Variants in PHF10 observed in about 807,000 individuals in gnomAD.
The protein encoded by PHF10 is PHD finger protein 10.
In PHF10, 51 loss-of-function variants were observed where a neutral mutation model predicts 68.5. The observed-to-expected ratio is 0.74, with a 90% confidence interval of 0.59 to 0.94. The LOEUF (loss-of-function observed/expected upper bound fraction) is 0.94, where lower values mean the gene tolerates loss of function less well. Among genes scored for constraint, PHF10 ranks in the 40% least tolerant of loss-of-function variants. The probability of loss-of-function intolerance (pLI) is 0.00; values close to 1 mark genes in which losing one functional copy is unlikely to be tolerated. For synonymous variants in PHF10, 204 were observed against 203.5 expected (o/e 1.00, Z -0.02); for missense variants, 460 against 602.6 (o/e 0.76, Z 2.48).
chr6:169,715,256 T>C (rs1227574551), intron 6 of PHF10, among the ~76,000 whole-genome samples: 1 of 152,186 alleles, frequency 6.6e-6, no homozygotes, highest in African/African-American at 2.4e-5. Context: ...TCATTTAGAA[T>C]TATTAACCGT....
In PHF10 at chr6:169,715,824, C is replaced by G. The variant is rs745732626; in HGVS notation, c.577G>C (p.Ala193Pro). Residue 193 changes from alanine to proline, a missense_variant, in exon 6 of 12, where the codon GCC (alanine) becomes CCC (proline). By Grantham distance (27) the Ala-to-Pro change is conservative. This residue lies in a region of PHF10 where 256 missense variants were observed against 410.5 expected (regional missense o/e 0.62). Transcript: ENST00000339209. Reference protein sequence around the residue: ...MQQQNTQKVEASKVPEYIKKA... With the variant: ...MQQQNTQKVEPSKVPEYIKKA... ...TTAATATACTCAGGCACTTTACTGG[C>G]TTCAACTTTCTGAGTATTCTGTTGT... is the stretch of plus-strand genomic sequence containing the variant. The G allele has an allele frequency of 1.2e-6, 2 of 1,613,648 alleles. No homozygotes were observed. Among genetic ancestry groups the G allele is most frequent in the South Asian group, 2.2e-5 (2 of 90,976 alleles).
Position 169,717,922 on chromosome 6 carries a change from C to T in PHF10, c.326-16G>A. On this transcript the variant is annotated splice_polypyrimidine_tract_variant and intron_variant, in intron 3 of 11. Coordinates refer to ENST00000339209, the MANE Select transcript of PHF10 (RefSeq NM_018288.4). Reference sequence around the variant, plus strand: ...CGCTCTAAATCTCCAAAAAAAAGATCAAAAGACTATTAAAAACAGCAAAAC... The same window carrying T: ...CGCTCTAAATCTCCAAAAAAAAGATTAAAAGACTATTAAAAACAGCAAAAC... The T allele has an allele frequency of 4.5e-6, 6 of 1,346,944 alleles. No individual in the cohort carries two copies. The highest frequency in any genetic ancestry group is 4.2e-6 in the Non-Finnish European group (4 of 958,392). 83.4% of individuals were successfully genotyped at this position (1,346,944 alleles called of 1,614,324 possible).
chr6:169,704,758 AT>A (rs1032395442), intron 11 of PHF10: 1 of 177,788 alleles, frequency 5.6e-6, no homozygotes, highest in African/African-American at 2.4e-5. Context: ...TGCTGCCTCA[AT>A]TTACAGAAAT....
chr6:169,713,321 G>A (rs1055633410), intron 7 of PHF10, among the ~76,000 whole-genome samples: 4 of 152,136 alleles, frequency 2.6e-5, no homozygotes, highest in Non-Finnish European at 4.4e-5. Context: ...ATTAAAGGCC[G>A]GGTGCAGTGG....
intron 11 of PHF10, 109 bp downstream of exon 11, chr6:169,705,024 A>G (rs563688315): frequency 2.7e-5 from 20 of 734,228 alleles, no homozygotes; most frequent in African/African-American, 9.0e-5. Flanking sequence ...ATATTTGCAC[A>G]TAAGAGTCCA....
intron 11 of PHF10, chr6:169,704,858 T>TA: frequency 6.3e-6 from 2 of 317,956 alleles, no homozygotes; most frequent in Admixed American, 9.9e-5. Flanking sequence ...AAGGCTTTGT[T>TA]ACTTTAGTAT....
At chr6:169,716,669 C>G (rs1488091242) in intron 4 of PHF10, among the ~76,000 whole-genome samples, 1 of 152,118 alleles carries the variant, frequency 6.6e-6, no homozygotes, top group Non-Finnish European at 1.5e-5. Context: ...ACAAATAAAG[C>G]ACGGACATAA....
chr6:169,711,966 C>A (rs1788934748), intron 8 of PHF10, among the ~76,000 whole-genome samples: 1 of 152,054 alleles, frequency 6.6e-6, no homozygotes, highest in Non-Finnish European at 1.5e-5. Context: ...GAAAACCCAA[C>A]AAATTGTACA....
chr6:169,722,633 T>A (rs1306670094), intron 1 of PHF10, among the ~76,000 whole-genome samples: 4 of 152,208 alleles, frequency 2.6e-5, no homozygotes, highest in African/African-American at 9.7e-5. Context: ...CGGGCCTTTT[T>A]CTTGAGGGAG....
In PHF10 at chr6:169,704,023, TCCC is replaced by T. The variant is rs779587210; in HGVS notation, c.1474_1476del (p.Gly492del). 2 of 1,601,634 alleles carry T rather than the reference TCCC, an allele frequency of 1.2e-6. No individual in the cohort carries two copies. Among genetic ancestry groups the T allele is most frequent in the Non-Finnish European group, 8.5e-7 (1 of 1,176,138 alleles). On this transcript the variant is annotated inframe_deletion, in exon 12 of 12. Coordinates refer to ENST00000339209, the MANE Select transcript of PHF10 (RefSeq NM_018288.4). ...CTATTTTATCCCTCTTTGCTGTTTT[TCCC>T]CCTTCTGCCCACTTTCCTGGGTGTT...
intron 9 of PHF10, chr6:169,708,216 CA>C (rs758821639): frequency 2.0e-5 from 3 of 152,128 alleles, no homozygotes; most frequent in African/African-American, 7.2e-5. Context: ...GAAAAACAGC[CA>C]AAGATAAGAC....
intron 10 of PHF10, 37 bp downstream of exon 10, chr6:169,705,579 G>A (rs371636901): frequency 2.1e-5 from 22 of 1,042,108 alleles, no homozygotes; most frequent in Non-Finnish European, 2.9e-5. Flanking sequence ...CAATAAATAC[G>A]GTGGTTAAAA....
At chr6:169,708,890 T>G (rs532880409) in intron 9 of PHF10, 3 of 152,250 alleles carry the variant, frequency 2.0e-5, no homozygotes, top group African/African-American at 7.2e-5. Context: ...GTATACTGCT[T>G]CTGAAATTTC....
In PHF10 at chr6:169,705,742, G is replaced by A. The variant is rs1428472504; in HGVS notation, c.1114-18C>T. On this transcript the variant is annotated intron_variant, in intron 9 of 11. Transcript: ENST00000339209. ...ACCTTTGGCTGGAAGGGTAGAAGAGGGCTATAAATTCATGCCAGAAGAGCT... is the reference window on the plus strand; with the variant it reads ...ACCTTTGGCTGGAAGGGTAGAAGAGAGCTATAAATTCATGCCAGAAGAGCT... The A allele has an allele frequency of 8.3e-7, 1 of 1,198,356 alleles. No homozygotes were observed. Among genetic ancestry groups the A allele is most frequent in the Admixed American group, 1.7e-5 (1 of 59,464 alleles). The allele number at this position is 1,198,356 out of a possible 1,614,324, so 74.2% of individuals were successfully genotyped here. A position where few individuals can be genotyped will look rare whatever the true frequency, so the allele number is the denominator to read the frequency against.
At position 169,723,872 on chromosome 6, in the gene PHF10, T is replaced by A; in HGVS notation, c.60A>T (p.Pro20=). The A allele has an allele frequency of 9.1e-7, 1 of 1,098,056 alleles. No homozygotes were observed. Among genetic ancestry groups the A allele is most frequent in the Non-Finnish European group, 1.1e-6 (1 of 898,322 alleles). 68.0% of individuals were successfully genotyped at this position (1,098,056 alleles called of 1,614,324 possible). Residue 20 remains proline (P), a synonymous_variant, in exon 1 of 12, where the codon CCA becomes CCT. Coordinates refer to ENST00000339209, the MANE Select transcript of PHF10 (RefSeq NM_018288.4). ...ALSPRPCDSD[P]ATPGAQSPKD... The stretch of plus-strand genomic sequence containing the variant: ...TCGGGGACTGCGCTCCGGGGGTGGC[T>A]GGGTCGCTGTCGCACGGCCGCGGGG...
intron 11 of PHF10, chr6:169,704,786 T>C (rs757052767): frequency 5.8e-5 from 11 of 189,370 alleles, no homozygotes; most frequent in Admixed American, 1.3e-4. Flanking sequence ...TAGATTTCTA[T>C]AGAAATGTAT....
intron 2 of PHF10, among the ~76,000 whole-genome samples, chr6:169,720,200 G>C (rs370261943): frequency 1.3e-5 from 2 of 152,168 alleles, no homozygotes; most frequent in South Asian, 4.1e-4. Flanking sequence ...TGGAAACTGT[G>C]AATTGCTGGT....
In PHF10 at chr6:169,716,013, G is replaced by C; in HGVS notation, c.485C>G (p.Ser162Cys). The C allele has an allele frequency of 6.2e-7, 1 of 1,609,144 alleles. No individual in the cohort carries two copies. The highest frequency in any genetic ancestry group is 2.2e-5 in the East Asian group (1 of 44,822). Reference sequence around the variant, plus strand: ...ACGTTCTTTTTCTTGTAGAATAACAGAATACTCAGCATGTTTGGCTGGATA... The same window carrying C: ...ACGTTCTTTTTCTTGTAGAATAACACAATACTCAGCATGTTTGGCTGGATA... ...KEYPAKHAEY[S>C]VILQEKERQR... Residue 162 changes from serine (S) to cysteine (C), a missense_variant, in exon 5 of 12, where the codon TCT becomes TGT. Coordinates refer to ENST00000339209, the MANE Select transcript of PHF10 (RefSeq NM_018288.4).
At chr6:169,709,924 A>C (rs570655225) in intron 9 of PHF10, 1 of 174,744 alleles carries the variant, frequency 5.7e-6, no homozygotes, top group African/African-American at 2.4e-5. Context: ...CTCCAAGGAA[A>C]GAAAATATAA....
Sources: gnomAD v4.1 joint callset for allele counts (sites outside exome capture counted in the v4.1 genomes callset) on GRCh38, gnomAD v4.1.1 for gene constraint, gnomAD v4.1.1 regional missense constraint, MANE v1.5 for transcripts, NCBI Gene and HGNC (gene_info 2026-07-23, HGNC 2026-07-21) for gene names.